Variants in STUM observed in about 807,000 individuals in gnomAD.
STUM encodes the protein protein stum homolog.
STUM carries 8 observed loss-of-function variants against 15.3 expected under a neutral mutation model. That is an observed-to-expected ratio of 0.52 (90% CI 0.31 to 0.94). The LOEUF (loss-of-function observed/expected upper bound fraction) is 0.94, where lower values mean the gene tolerates loss of function less well. STUM is among the 40% of genes least tolerant of loss of function. The pLI is 0.05. For missense variants in STUM, 142 were observed against 204.9 expected (o/e 0.69, Z 1.87); for synonymous variants, 78 against 88.7 (o/e 0.88, Z 0.68).
chr1:226,559,379 C>T (rs937569116), intron 1 of STUM, among the ~76,000 whole-genome samples: 9 of 152,216 alleles, frequency 5.9e-5, no homozygotes, highest in Non-Finnish European at 8.8e-5. Context: ...CCTCCTACCA[C>T]GTCGAAGGCT....
chr1:226,592,079 A>C (rs1319002492), intron 1 of STUM, among the ~76,000 whole-genome samples: 1 of 152,080 alleles, frequency 6.6e-6, no homozygotes, highest in Non-Finnish European at 1.5e-5. Context: ...ATGGAGTCTC[A>C]CTCTGTCACC....
intron 1 of STUM, among the ~76,000 whole-genome samples, chr1:226,586,548 G>A (rs1330274485): frequency 6.6e-6 from 1 of 152,168 alleles, no homozygotes; most frequent in South Asian, 2.1e-4. Flanking sequence ...GGTCAGCTCA[G>A]GGATCCCTGT....
rs960507993 is a variant in STUM at position 226,552,584 on chromosome 1, G to A, written c.202+3478G>A. 2.0e-5 allele frequency among the ~76,000 whole-genome samples: 3 copies of A among 152,026 alleles called. No individual in the cohort carries two copies. Among genetic ancestry groups the A allele is most frequent in the Admixed American group, 6.5e-5 (1 of 15,268 alleles). The stretch of plus-strand genomic sequence containing the variant: ...GAAAATGTTGATATCTCAGTGACAC[G>A]GAAAGTCGAAGGGAGGAGGACCTCC... On this transcript the variant is annotated intron_variant, in intron 1 of 3. Transcript: ENST00000366788. This position sits in a 1 kb window ranked among gnomAD's most constrained non-coding sequence, Gnocchi z 4.7.
intron 1 of STUM, among the ~76,000 whole-genome samples, chr1:226,592,009 C>A (rs1668093888): frequency 6.6e-6 from 1 of 151,950 alleles, no homozygotes; most frequent in Non-Finnish European, 1.5e-5. Context: ...ATTTGAAAAC[C>A]ATTAAGCATG....
At chr1:226,551,643 C>T (rs900374483) in intron 1 of STUM, among the ~76,000 whole-genome samples, 1 of 152,226 alleles carries the variant, frequency 6.6e-6, no homozygotes, top group Admixed American at 6.5e-5. Flanking sequence ...AATGCAGCTT[C>T]TTTCAATTCA....
At chr1:226,584,242 C>G (rs1214167228) in intron 1 of STUM, among the ~76,000 whole-genome samples, 1 of 152,174 alleles carries the variant, frequency 6.6e-6, no homozygotes, top group Non-Finnish European at 1.5e-5. Flanking sequence ...AATGGACCAT[C>G]TACACGAGGT....
chr1:226,592,727 A>G (rs1350821749), intron 1 of STUM, among the ~76,000 whole-genome samples: 1 of 152,190 alleles, frequency 6.6e-6, no homozygotes, highest in East Asian at 1.9e-4. Context: ...TCTCACATGC[A>G]TGATGCACTG....
intron 1 of STUM, among the ~76,000 whole-genome samples, chr1:226,571,743 G>A (rs558203084): frequency 1.5e-4 from 23 of 152,054 alleles, no homozygotes; most frequent in Non-Finnish European, 2.6e-4. Context: ...GGGTTCAAGG[G>A]ATTCTCCTGC....
chr1:226,603,643 G>GA lies in STUM; in HGVS notation c.*1603_*1604insA, dbSNP rs1273483490. On this transcript the variant is annotated 3_prime_UTR_variant, in exon 4 of 4. Coordinates refer to ENST00000366788, the MANE Select transcript of STUM (RefSeq NM_001003665.4). Reference sequence around the variant, plus strand: ...GGAAGTAGTGGCCACCGTTCTGGGGGTTTCAGCCCACCTACCCCATCCACC... The same window carrying GA: ...GGAAGTAGTGGCCACCGTTCTGGGGGATTTCAGCCCACCTACCCCATCCACC... 6.6e-6 allele frequency: 1 copy of GA among 152,236 alleles called. No homozygotes were observed. Among genetic ancestry groups the GA allele is most frequent in the Non-Finnish European group, 1.5e-5 (1 of 68,086 alleles). 9.4% of individuals were successfully genotyped at this position (152,236 alleles called of 1,614,324 possible).
At chr1:226,597,998 TTCCTCCTGGGAGGGGTG>T (rs969328756) in intron 2 of STUM, among the ~76,000 whole-genome samples, 2 of 152,208 alleles carry the variant, frequency 1.3e-5, no homozygotes, top group African/African-American at 4.8e-5. Context: ...AAGCTGCTCC[TTCCTCCTGGGAGGGGTG>T]TGCTCAGGGC....
chr1:226,560,686 C>G (rs957579631), intron 1 of STUM, among the ~76,000 whole-genome samples: 3 of 152,168 alleles, frequency 2.0e-5, no homozygotes. Flanking sequence ...GGCCAAGCTG[C>G]AGAAGGGAGC....
At chr1:226,557,449 C>CAG (rs1667463868) in intron 1 of STUM, among the ~76,000 whole-genome samples, 1 of 152,142 alleles carries the variant, frequency 6.6e-6, no homozygotes, top group Non-Finnish European at 1.5e-5. Context: ...ACATGGGGTG[C>CAG]AGACATTTCT....
chr1:226,598,829 T>C (rs760898393), intron 2 of STUM, among the ~76,000 whole-genome samples: 2 of 152,226 alleles, frequency 1.3e-5, no homozygotes, highest in Non-Finnish European at 2.9e-5. Context: ...TGTCTTTGCA[T>C]CAAACTTTTG....
At chr1:226,561,440 G>A (rs1667541462) in intron 1 of STUM, among the ~76,000 whole-genome samples, 1 of 152,086 alleles carries the variant, frequency 6.6e-6, no homozygotes, top group South Asian at 2.1e-4. Context: ...TGCAGAATGA[G>A]GGCAGATGTG....
At position 226,608,877 on chromosome 1, in the gene STUM, C is replaced by T. The variant is rs2102721110; in HGVS notation, c.*6837C>T. ...AGGACCCAGCCCCAGCCCCGGCAGA[C>T]CTTCCCTGGGAGCTGCTTAGGTGGT... is the stretch of plus-strand genomic sequence containing the variant. On this transcript the variant is annotated 3_prime_UTR_variant, in exon 4 of 4. Transcript: ENST00000366788. This position sits in a 1 kb window ranked among gnomAD's most constrained non-coding sequence, Gnocchi z 4.0. 1 of 152,474 alleles carries T rather than the reference C, an allele frequency of 6.6e-6. No individual in the cohort carries two copies. The highest frequency in any genetic ancestry group is 2.4e-5 in the African/African-American group (1 of 41,588). 9.4% of individuals were successfully genotyped at this position (152,474 alleles called of 1,614,324 possible).
intron 1 of STUM, among the ~76,000 whole-genome samples, chr1:226,573,360 T>C (rs777432776): frequency 2.0e-5 from 3 of 152,154 alleles, no homozygotes; most frequent in African/African-American, 7.2e-5. Flanking sequence ...ACTCTTTCAG[T>C]TAAAAGTGTT....
intron 1 of STUM, among the ~76,000 whole-genome samples, chr1:226,581,778 G>A (rs1465952063): frequency 2.6e-5 from 4 of 152,102 alleles, no homozygotes; most frequent in Non-Finnish European, 5.9e-5. Flanking sequence ...CAGTGGTGAA[G>A]GACCGCCATC....
chr1:226,564,154 T>C lies in STUM; in HGVS notation c.202+15048T>C, dbSNP rs987269130. 5.3e-5 allele frequency among the ~76,000 whole-genome samples: 8 copies of C among 152,342 alleles called. No homozygotes were observed. The South Asian group carries it at 1.7e-3, about 32-fold the overall frequency. ...GATACCCAATTACTTGGGCCCACTC[T>C]TGGGTGAGCCCACTGTGTGGTTTAT... On this transcript the variant is annotated intron_variant, in intron 1 of 3. Transcript: ENST00000366788.
intron 1 of STUM, among the ~76,000 whole-genome samples, chr1:226,581,536 A>G (rs1335653788): frequency 6.6e-6 from 1 of 152,220 alleles, no homozygotes; most frequent in Non-Finnish European, 1.5e-5. Context: ...GCAAGAGTGT[A>G]TGAGCTTAGC....
Sources: allele counts gnomAD v4.1 joint callset (sites outside exome capture counted in the v4.1 genomes callset), GRCh38; gene constraint gnomAD v4.1.1; non-coding constraint Gnocchi (gnomAD v3.1); transcripts MANE v1.5; gene names NCBI Gene and HGNC (gene_info 2026-07-23, HGNC 2026-07-21).